TULP2: variants seen among roughly 807,000 people sequenced by gnomAD.
TULP2 encodes TUB like protein 2.
A neutral mutation model predicts 60.3 loss-of-function variants in TULP2; 64 were observed. The observed-to-expected ratio is 1.06, with a 90% CI of 0.87 to 1.31. The LOEUF is 1.31. Among genes scored for constraint, TULP2 ranks in the 50% most tolerant of loss-of-function variants. The pLI is 0.00. For missense variants in TULP2, 652 were observed against 667.0 expected (o/e 0.98, Z 0.25); for synonymous variants, 267 against 265.4 (o/e 1.01, Z -0.06).
intron 12 of TULP2, among the ~76,000 whole-genome samples, chr19:48,881,419 T>C (rs1307548573): frequency 6.8e-6 from 1 of 147,872 alleles, no homozygotes; most frequent in African/African-American, 2.5e-5. Context: ...TCTCGCTCTG[T>C]TGCCCAGGCT....
chr19:48,893,262 C>T (rs1441292615), intron 6 of TULP2, among the ~76,000 whole-genome samples: 6 of 151,438 alleles, frequency 4.0e-5, no homozygotes, highest in Admixed American at 6.6e-5. Context: ...CCCAGCTACT[C>T]GGGAGGCTGA....
At chr19:48,885,348 C>G in intron 9 of TULP2, 100 bp downstream of exon 9, 2 of 914,940 alleles carry the variant, frequency 2.2e-6, no homozygotes, top group South Asian at 3.1e-5. Flanking sequence ...GGTCCCTGAG[C>G]AGGTGGAAGG....
Position 48,896,570 on chromosome 19 carries a change from A to G in TULP2, c.85-14T>C. On this transcript the variant is annotated splice_polypyrimidine_tract_variant and intron_variant, in intron 3 of 12. Transcript: ENST00000221399. ...AAACAGCCGCCGCTGGGGAGATGGG[A>G]GAGGTGGGTGTCCGGGACAGGAACC... 1 of 1,583,790 alleles carries G rather than the reference A, an allele frequency of 6.3e-7. No homozygotes were observed.
rs988873443 is a variant in TULP2, at chr19:48,897,121, C to T, written c.84+224G>A. 6.6e-5 allele frequency among the ~76,000 whole-genome samples: 10 copies of T among 152,136 alleles called. No individual in the cohort carries two copies. Among genetic ancestry groups the T allele is most frequent in the African/African-American group, 2.4e-4 (10 of 41,432 alleles). ...GCCAGGCTTGTCTTGAACTCCTGAC[C>T]TCAAGTGATCCGCCCACCTCAGCAT... On this transcript the variant is annotated intron_variant, in intron 3 of 12. Transcript: ENST00000221399. This position sits in a 1 kb window ranked among gnomAD's most constrained non-coding sequence, Gnocchi z 4.0.
intron 8 of TULP2, among the ~76,000 whole-genome samples, chr19:48,887,721 C>T (rs2037194608): frequency 6.6e-6 from 1 of 152,102 alleles, no homozygotes; most frequent in South Asian, 2.1e-4. Flanking sequence ...CCACTCCCGG[C>T]TAATTTTTGT....
At chr19:48,883,002 G>T (rs1262365659) in intron 11 of TULP2, among the ~76,000 whole-genome samples, 1 of 152,096 alleles carries the variant, frequency 6.6e-6, no homozygotes, top group African/African-American at 2.4e-5. Context: ...GGTGAATCAC[G>T]AGGTCAGGAG....
At chr19:48,890,398 C>A (rs9304678) in intron 6 of TULP2, among the ~76,000 whole-genome samples, 2,529 of 105,192 alleles carry the variant, frequency 0.024, no homozygotes, top group African/African-American at 0.074. Context: ...CTGACACATC[C>A]CCCTCTCGGA....
At position 48,882,088 on chromosome 19, in the gene TULP2, T is replaced by C; in HGVS notation, c.1391A>G (p.His464Arg). The change falls in exon 12 of 13, where the codon CAT (histidine) becomes CGT (arginine). Residue 464 changes from histidine (H) to arginine (R), a missense_variant. Coordinates refer to ENST00000221399, the MANE Select transcript of TULP2 (RefSeq NM_003323.3). ...KENGVYTLNF[H>R]GRVTRASVKN... ...CACCGAAGCCCGAGTGACTCGACCA[T>C]GGAAATTGAGCGTGTAGACACCGTT... 1 of 1,614,150 alleles carries C rather than the reference T, an allele frequency of 6.2e-7. No individual in the cohort carries two copies. The highest frequency in any genetic ancestry group is 1.1e-5 in the South Asian group (1 of 91,088).
chr19:48,890,754 C>T (rs1264707730), intron 6 of TULP2, among the ~76,000 whole-genome samples: 3 of 152,178 alleles, frequency 2.0e-5, no homozygotes, highest in Non-Finnish European at 1.5e-5. Flanking sequence ...CCTCCTCCTC[C>T]TCCAGGTGCA....
intron 9 of TULP2, among the ~76,000 whole-genome samples, chr19:48,884,466 AAAAT>A (rs1264070884): frequency 2.0e-5 from 3 of 150,848 alleles, no homozygotes; most frequent in Non-Finnish European, 4.4e-5. Flanking sequence ...TAAATAAATA[AAAAT>A]AAATAATTAA....
intron 6 of TULP2, among the ~76,000 whole-genome samples, chr19:48,892,971 G>A (rs1418851368): frequency 6.6e-6 from 1 of 151,690 alleles, no homozygotes; most frequent in Non-Finnish European, 1.5e-5. Context: ...GAAGACACAC[G>A]GTGGCTCACA....
chr19:48,889,497 T>C lies in TULP2; in HGVS notation c.636+13A>G. ...CTTCTTCCAATATCCTGAGTGATTG[T>C]GCATTTTCCTACCTTTTGGAAGGCC... On this transcript the variant is annotated intron_variant, in intron 7 of 12. Transcript: ENST00000221399. 1 of 1,569,648 alleles carries C rather than the reference T, an allele frequency of 6.4e-7. No homozygotes were observed. The highest frequency in any genetic ancestry group is 8.7e-7 in the Non-Finnish European group (1 of 1,146,146).
At chr19:48,892,943 TAGGTGAATG>T (rs1252945657) in intron 6 of TULP2, among the ~76,000 whole-genome samples, 2 of 150,852 alleles carry the variant, frequency 1.3e-5, no homozygotes, top group African/African-American at 4.9e-5. Context: ...AAAAAATCAT[TAGGTGAATG>T]AGGTGAATGA....
intron 11 of TULP2, among the ~76,000 whole-genome samples, chr19:48,882,845 C>T (rs981974186): frequency 2.6e-5 from 4 of 152,128 alleles, no homozygotes; most frequent in Non-Finnish European, 4.4e-5. Flanking sequence ...GAGCTAAAAA[C>T]GTAAAGTACA....
rs754054149 is a variant in TULP2 at position 48,895,036 on chromosome 19, C to T, written c.476G>A (p.Arg159Lys). The change falls in exon 6 of 13, where the codon AGA becomes AAA. Residue 159 changes from arginine to lysine, a missense_variant. By Grantham distance (26) the Arg-to-Lys change is conservative (BLOSUM62 2). Transcript: ENST00000221399. The part of the protein sequence containing the change: ...VSPPPFKQSP[R>K]IRRKGWQAHQ... ...GGCTTGCCAACCCTTGCGTCGGATT[C>T]TCGGAGACTGTTTAAAAGGTGGGGG... The T allele has an allele frequency of 1.9e-6, 3 of 1,613,938 alleles. No individual in the cohort carries two copies. The highest frequency in any genetic ancestry group is 2.5e-6 in the Non-Finnish European group (3 of 1,180,002).
chr19:48,889,435 T>G, intron 7 of TULP2, 75 bp downstream of exon 7: 1 of 1,491,480 alleles, frequency 6.7e-7, no homozygotes, highest in Non-Finnish European at 9.0e-7. Context: ...TGGCAGAATT[T>G]TAGCCCCACC....
chr19:48,896,695 C>T, intron 3 of TULP2, 139 bp from the exon 4 acceptor site: 1 of 1,043,720 alleles, frequency 9.6e-7, no homozygotes, highest in East Asian at 2.9e-5. Context: ...ACGTCCAGGC[C>T]CTCAGTTCTT....
chr19:48,885,563 A>G lies in TULP2; in HGVS notation c.949-3T>C, dbSNP rs1383468572. The G allele has an allele frequency of 2.5e-6, 4 of 1,612,854 alleles. No individual in the cohort carries two copies. The highest frequency in any genetic ancestry group is 3.3e-5 in the Admixed American group (2 of 59,958). On this transcript the variant is annotated splice_region_variant and splice_polypyrimidine_tract_variant and intron_variant, in intron 8 of 12. Transcript: ENST00000221399. ...TTTCGCCCAGCCAGGAGGAAGCGCT[A>G]TGGATGAGAGGAACAGTCCATTAGA...
Position 48,889,533 on chromosome 19 carries a change from A to G in TULP2, c.613T>C (p.Tyr205His). The change falls in exon 7 of 13, where the codon TAT becomes CAT. Residue 205 changes from tyrosine to histidine, a missense_variant. By Grantham distance (83) the Tyr-to-His change is moderately conservative. Coordinates refer to ENST00000221399, the MANE Select transcript of TULP2 (RefSeq NM_003323.3). ...PNPGMDGDCV[Y>H]ENLAFQKEED... Reference sequence around the variant, plus strand: ...ACCTTTTGGAAGGCCAAGTTTTCATATACACAGTCACCATCCATTCCAGGG... The same window carrying G: ...ACCTTTTGGAAGGCCAAGTTTTCATGTACACAGTCACCATCCATTCCAGGG... 2 of 1,577,600 alleles carry G rather than the reference A, an allele frequency of 1.3e-6. No homozygotes were observed. Among genetic ancestry groups the G allele is most frequent in the South Asian group, 1.1e-5 (1 of 88,090 alleles).
Sources: gnomAD v4.1 joint callset for allele counts (sites outside exome capture counted in the v4.1 genomes callset) on GRCh38, gnomAD v4.1.1 for gene constraint, Gnocchi (gnomAD v3.1) non-coding constraint, MANE v1.5 for transcripts, NCBI Gene and HGNC (gene_info 2026-07-23, HGNC 2026-07-21) for gene names.